POU2F1: variants seen among roughly 807,000 people sequenced by gnomAD.
POU2F1 encodes POU class 2 homeobox 1.
Under a neutral mutation model 84.9 loss-of-function variants are expected in POU2F1, and 16 were observed. The observed-to-expected ratio is 0.19, with a 90% CI of 0.13 to 0.29. The LOEUF (loss-of-function observed/expected upper bound fraction) is 0.29. POU2F1 is among the 10% of genes least tolerant of loss of function. The probability of loss-of-function intolerance (pLI) is 1.00; values close to 1 mark genes in which losing one functional copy is unlikely to be tolerated. For missense variants in POU2F1, 738 were observed against 942.6 expected, an observed-to-expected ratio of 0.78 and a Z score of 2.84; for synonymous variants, 368 against 368.3, an observed-to-expected ratio of 1.00 and a Z score of 0.01.
intron 1 of POU2F1, among the ~76,000 whole-genome samples, chr1:167,287,968 G>A (rs1185169226): frequency 1.3e-5 from 2 of 152,166 alleles, no homozygotes; most frequent in African/African-American, 4.8e-5. Flanking sequence ...GCCTAAAGAC[G>A]ATCAAGTTAT....
intron 15 of POU2F1, among the ~76,000 whole-genome samples, chr1:167,415,034 T>C (rs1650209825): frequency 6.6e-6 from 1 of 152,220 alleles, no homozygotes; most frequent in Non-Finnish European, 1.5e-5. Context: ...GCCACTGATC[T>C]AACAGGAGGC....
At chr1:167,373,935 C>G (rs1208435725) in intron 5 of POU2F1, among the ~76,000 whole-genome samples, 173 bp from the exon 6 acceptor site, 1 of 151,912 alleles carries the variant, frequency 6.6e-6, no homozygotes, top group Non-Finnish European at 1.5e-5. Flanking sequence ...TTTAAATGTT[C>G]TGCTAGTAAT....
chr1:167,260,691 C>T (rs957816943), intron 1 of POU2F1, among the ~76,000 whole-genome samples: 2 of 152,116 alleles, frequency 1.3e-5, no homozygotes, highest in African/African-American at 2.4e-5. Context: ...TTTCTTTTGA[C>T]GCTAATTTCC....
At chr1:167,221,730 C>T (rs1648208849) in intron 1 of POU2F1, among the ~76,000 whole-genome samples, 1 of 151,368 alleles carries the variant, frequency 6.6e-6, no homozygotes, top group Admixed American at 6.6e-5. Context: ...GCCAGGCCTG[C>T]TCTCTAGGTG....
intron 1 of POU2F1, among the ~76,000 whole-genome samples, chr1:167,233,326 CG>C (rs1248526704): frequency 6.7e-6 from 1 of 149,296 alleles, no homozygotes; most frequent in African/African-American, 2.5e-5. Flanking sequence ...TTTGTAGAGA[CG>C]GGGCTTCGCC....
chr1:167,363,979 A>G (rs1416995436), intron 2 of POU2F1, among the ~76,000 whole-genome samples: 2 of 152,206 alleles, frequency 1.3e-5, no homozygotes, highest in Admixed American at 6.5e-5. Context: ...GTGCACATGT[A>G]AGTGTAAGGA....
At chr1:167,406,692 A>G (rs899194381) in intron 13 of POU2F1, among the ~76,000 whole-genome samples, 1 of 152,240 alleles carries the variant, frequency 6.6e-6, no homozygotes, top group Non-Finnish European at 1.5e-5. Context: ...TTGATATATA[A>G]AAAATAAATT....
At chr1:167,296,160 A>T (rs1654277649) in intron 1 of POU2F1, among the ~76,000 whole-genome samples, 1 of 152,064 alleles carries the variant, frequency 6.6e-6, no homozygotes, top group South Asian at 2.1e-4. Flanking sequence ...GCCTTTTTGC[A>T]TTCAGGTAAA....
At chr1:167,332,352 T>C (rs1657129621) in intron 1 of POU2F1, 118 bp from the exon 2 acceptor site, 1 of 673,620 alleles carries the variant, frequency 1.5e-6, no homozygotes, top group Non-Finnish European at 2.6e-6. Context: ...CACTGGGTCT[T>C]CTTAAACTAT....
Position 167,389,573 on chromosome 1 carries a change from T to C in POU2F1, c.814-15T>C. ...TCACGTGTTTTTCCTCATTGTTTTA[T>C]TCTTTCTCCAACAGCCAGCAACCCC... On this transcript the variant is annotated splice_polypyrimidine_tract_variant and intron_variant, in intron 8 of 15. Transcript: ENST00000367866. 6.2e-7 allele frequency: 1 copy of C among 1,613,868 alleles called. No homozygotes were observed. The highest frequency in any genetic ancestry group is 1.1e-5 in the South Asian group (1 of 91,034).
At chr1:167,326,990 G>C (rs1471161138) in intron 1 of POU2F1, among the ~76,000 whole-genome samples, 1 of 152,148 alleles carries the variant, frequency 6.6e-6, no homozygotes, top group East Asian at 1.9e-4. Flanking sequence ...AACATTTATT[G>C]ATATCTACTG....
chr1:167,420,097 T>C lies in POU2F1; in HGVS notation c.*4287T>C, dbSNP rs1386864847. On this transcript the variant is annotated 3_prime_UTR_variant, in exon 16 of 16. Transcript: ENST00000367866. ...CAATATTTAAATTCAGCCCAATCTT[T>C]AACATTAAAAAATTTTCTTTTTAAC... The C allele has an allele frequency of 6.6e-6, 1 of 152,272 alleles. No individual in the cohort carries two copies. The highest frequency in any genetic ancestry group is 1.9e-4 in the East Asian group (1 of 5,184). 9.4% of individuals were successfully genotyped at this position (152,272 alleles called of 1,614,324 possible).
chr1:167,224,825 C>CT (rs774351969), intron 1 of POU2F1, among the ~76,000 whole-genome samples: 37,679 of 122,134 alleles, frequency 0.31, 6,556 homozygotes, highest in Middle Eastern at 0.41. Context: ...TCACTGTCTT[C>CT]TTTTTTTTTT....
At position 167,287,550 on chromosome 1, in the gene POU2F1, A is replaced by G. The variant is rs532776741; in HGVS notation, c.62-44920A>G. On this transcript the variant is annotated intron_variant, in intron 1 of 15. Transcript: ENST00000367866. ...CTTAATGGACAAGTTCAGCAAATAG[A>G]TATGTTTTGAAGAATGGTTTAGGAA... 1.6e-4 allele frequency among the ~76,000 whole-genome samples: 25 copies of G among 152,332 alleles called. No individual in the cohort carries two copies. The East Asian group carries it at 4.8e-3, about 29-fold the overall frequency.
chr1:167,340,871 A>G (rs771582157), intron 2 of POU2F1, among the ~76,000 whole-genome samples: 36 of 152,234 alleles, frequency 2.4e-4, no homozygotes, highest in Non-Finnish European at 4.6e-4. Context: ...AATTGAGACG[A>G]TTCATGAGAA....
In POU2F1 at chr1:167,327,462, A is replaced by C. The variant is rs183381130; in HGVS notation, c.62-5008A>C. Reference sequence around the variant, plus strand: ...AACTGGTAATGCAGAGTGCTGATCCAAAAGTTTAAGGTTTTTGGTCCTCTA... The same window carrying C: ...AACTGGTAATGCAGAGTGCTGATCCCAAAGTTTAAGGTTTTTGGTCCTCTA... On this transcript the variant is annotated intron_variant, in intron 1 of 15. Transcript: ENST00000367866. Among the ~76,000 whole-genome samples the C allele has an allele frequency of 4.6e-5, 7 of 152,316 alleles. No homozygotes were observed. The East Asian group carries it at 1.2e-3, about 25-fold the overall frequency.
Position 167,370,168 on chromosome 1 carries a change from T to A in POU2F1, c.236T>A (p.Leu79His). The change falls in exon 4 of 16, where the codon CTC becomes CAC. Residue 79 changes from leucine (L) to histidine (H), a missense_variant. Physicochemically the swap from Leu to His is moderately conservative, Grantham distance 99. This residue lies in a region of POU2F1 where 161 missense variants were observed against 147.0 expected (regional missense o/e 1.10). Transcript: ENST00000367866. Reference sequence around the variant, plus strand: ...TCCCCTGATTACTTATAGGTCCAACTCGCTGGAACAAGTTTACAGGCTGCT... The same window carrying A: ...TCCCCTGATTACTTATAGGTCCAACACGCTGGAACAAGTTTACAGGCTGCT... The part of the protein sequence containing the change: ...AFLGHLHQVQ[L>H]AGTSLQAAAQ... 6.2e-7 allele frequency: 1 copy of A among 1,607,080 alleles called. No homozygotes were observed.
intron 9 of POU2F1, 34 bp downstream of exon 9, chr1:167,389,795 C>A: frequency 6.3e-7 from 1 of 1,594,426 alleles, no homozygotes; most frequent in Non-Finnish European, 8.6e-7. Flanking sequence ...GATTCCCCTC[C>A]TTGGCTGGGT....
chr1:167,281,063 C>T lies in POU2F1; in HGVS notation c.62-51407C>T, dbSNP rs147021715. Among the ~76,000 whole-genome samples the T allele has an allele frequency of 9.2e-5, 14 of 152,300 alleles. No individual in the cohort carries two copies. The East Asian group carries it at 2.5e-3, about 27-fold the overall frequency. ...TAAGTATCTTACAAGATTACATCCC[C>T]ATAGGAAGAGGGTGGAGTGTTTAGT... On this transcript the variant is annotated intron_variant, in intron 1 of 15. Coordinates refer to ENST00000367866, the MANE Select transcript of POU2F1 (RefSeq NM_002697.4).
Sources: allele counts gnomAD v4.1 joint callset (sites outside exome capture counted in the v4.1 genomes callset), GRCh38; gene constraint gnomAD v4.1.1; regional missense constraint gnomAD v4.1.1; transcripts MANE v1.5; gene names NCBI Gene and HGNC (gene_info 2026-07-23, HGNC 2026-07-21).